Variants in OLFM2 observed in about 807,000 individuals in gnomAD.
OLFM2 encodes the protein olfactomedin 2, also known as noelin-2.
OLFM2 carries 20 observed loss-of-function variants against 43.9 expected under a neutral mutation model. The observed-to-expected ratio is 0.46, with a 90% confidence interval of 0.32 to 0.66. OLFM2 has a LOEUF of 0.66. Among genes scored for constraint, OLFM2 ranks in the 30% least tolerant of loss-of-function variants. OLFM2 has a pLI of 0.04. For missense variants in OLFM2, 416 were observed against 643.6 expected (o/e 0.65, Z 3.83); for synonymous variants, 268 against 278.6 (o/e 0.96, Z 0.38).
intron 1 of OLFM2, among the ~76,000 whole-genome samples, chr19:9,918,445 G>T (rs2086399574): frequency 6.6e-6 from 1 of 152,126 alleles, no homozygotes; most frequent in South Asian, 2.1e-4. Context: ...ACCTGCCTCA[G>T]CCTCCCAAAA....
chr19:9,864,544 G>A (rs938152389), intron 1 of OLFM2, among the ~76,000 whole-genome samples: 2 of 151,878 alleles, frequency 1.3e-5, no homozygotes, highest in African/African-American at 2.4e-5. Context: ...CAAGTGATCC[G>A]TCCACCTTGG....
intron 1 of OLFM2, among the ~76,000 whole-genome samples, chr19:9,923,992 C>T (rs144128206): frequency 0.022 from 3,305 of 149,170 alleles, 55 homozygotes; most frequent in Non-Finnish European, 0.037. Context: ...CCCAGCTACT[C>T]GGGAGGCTGA....
In OLFM2 at chr19:9,856,786, G is replaced by C. The variant is rs779718110; in HGVS notation, c.687+21C>G. On this transcript the variant is annotated intron_variant, in intron 5 of 5. Coordinates refer to ENST00000264833, the MANE Select transcript of OLFM2 (RefSeq NM_058164.4). This position sits in a 1 kb window ranked among gnomAD's most constrained non-coding sequence, Gnocchi z 4.0. ...CTGTCCCTCCCAGGCCCTGACCCCA[G>C]GGGTGGGCGCAGTCACTCACCCGGC... is the stretch of plus-strand genomic sequence containing the variant. 2 of 1,594,410 alleles carry C rather than the reference G, an allele frequency of 1.3e-6. No individual in the cohort carries two copies. Among genetic ancestry groups the C allele is most frequent in the Non-Finnish European group, 1.7e-6 (2 of 1,164,636 alleles).
At chr19:9,905,034 A>T (rs77251966) in intron 1 of OLFM2, among the ~76,000 whole-genome samples, 1 of 151,970 alleles carries the variant, frequency 6.6e-6, no homozygotes, top group African/African-American at 2.4e-5. Context: ...GAAAAAAAAA[A>T]GTTGAGGCCA....
chr19:9,887,699 G>C (rs563019807), intron 1 of OLFM2, among the ~76,000 whole-genome samples: 5 of 151,992 alleles, frequency 3.3e-5, no homozygotes, highest in African/African-American at 1.2e-4. Context: ...ATCACACTGA[G>C]TCTCTCCCGT....
intron 1 of OLFM2, among the ~76,000 whole-genome samples, chr19:9,898,079 T>TTC (rs1568379668): frequency 1.3e-5 from 2 of 149,484 alleles, no homozygotes; most frequent in Non-Finnish European, 3.0e-5. Context: ...TAATTTTTTT[T>TTC]TTTTTTTTTG....
chr19:9,865,998 G>A (rs867844583), intron 1 of OLFM2, among the ~76,000 whole-genome samples: 4 of 152,100 alleles, frequency 2.6e-5, no homozygotes, highest in Admixed American at 6.6e-5. Flanking sequence ...TAGCGTGTCC[G>A]TTGAAGCAAA....
At chr19:9,901,019 A>C (rs1226387076) in intron 1 of OLFM2, among the ~76,000 whole-genome samples, 1 of 24,816 alleles carries the variant, frequency 4.0e-5, no homozygotes, top group African/African-American at 1.9e-4. Flanking sequence ...GGGAAGGAGG[A>C]AGGGAGGGAA....
chr19:9,906,241 G>A (rs2046785048), intron 1 of OLFM2, among the ~76,000 whole-genome samples: 1 of 152,156 alleles, frequency 6.6e-6, no homozygotes, highest in Non-Finnish European at 1.5e-5. Context: ...CACTGTCTGA[G>A]CACCAGGCTC....
chr19:9,858,557 C>A (rs1367083303), intron 2 of OLFM2, among the ~76,000 whole-genome samples: 1 of 152,200 alleles, frequency 6.6e-6, no homozygotes, highest in Non-Finnish European at 1.5e-5. Flanking sequence ...AGCTTGTCCA[C>A]AGCTTAACCT....
chr19:9,924,965 C>T (rs920959774), intron 1 of OLFM2, among the ~76,000 whole-genome samples: 1 of 151,790 alleles, frequency 6.6e-6, no homozygotes, highest in South Asian at 2.1e-4. Context: ...CAGAAACACA[C>T]ATAAAACAAA....
Position 9,858,053 on chromosome 19 carries a change from C to T in OLFM2, c.214-192G>A, listed in dbSNP as rs553216922. 9.1e-4 allele frequency: 626 copies of T among 689,134 alleles called. 12 individuals carry two copies. The South Asian group carries it at 9.1e-3, about 10-fold the overall frequency. 42.7% of individuals were successfully genotyped at this position (689,134 alleles called of 1,614,324 possible). A position where few individuals can be genotyped will look rare whatever the true frequency, so the allele number is the denominator to read the frequency against. ...CCATCCATCCATCGCTCCCTCCCTA[C>T]TACCCACTGGCTCCCATCTGGTCCA... On this transcript the variant is annotated intron_variant, in intron 2 of 5. Transcript: ENST00000264833.
chr19:9,921,882 C>T (rs2086423955), intron 1 of OLFM2, among the ~76,000 whole-genome samples: 1 of 151,996 alleles, frequency 6.6e-6, no homozygotes, highest in Non-Finnish European at 1.5e-5. Flanking sequence ...TGGTTTGAAC[C>T]CAGGAATTTG....
chr19:9,870,781 C>T (rs996354188), intron 1 of OLFM2, among the ~76,000 whole-genome samples: 6 of 152,120 alleles, frequency 3.9e-5, no homozygotes, highest in Non-Finnish European at 5.9e-5. Context: ...TCAAGTCACC[C>T]GGGAGGTGGA....
At position 9,862,505 on chromosome 19, in the gene OLFM2, A is replaced by G. The variant is rs536918265; in HGVS notation, c.64-1711T>C. Among the ~76,000 whole-genome samples the G allele has an allele frequency of 4.0e-5, 6 of 151,244 alleles. No homozygotes were observed. The South Asian group carries it at 6.3e-4, about 16-fold the overall frequency. ...TGGGCAACATAACAAGACCTCATCT[A>G]TACTAAAAATTAAAAAAAAAAAAAA... On this transcript the variant is annotated intron_variant, in intron 1 of 5. Coordinates refer to ENST00000264833, the MANE Select transcript of OLFM2 (RefSeq NM_058164.4).
At chr19:9,881,684 T>TG (rs35230510) in intron 1 of OLFM2, among the ~76,000 whole-genome samples, 137,669 of 149,956 alleles carry the variant, frequency 0.92, 64,013 homozygotes, top group Non-Finnish European at 1. Flanking sequence ...TTTTTACAGT[T>TG]GGGGGGTCTT....
intron 1 of OLFM2, among the ~76,000 whole-genome samples, chr19:9,921,637 C>T (rs1050388030): frequency 4.6e-5 from 7 of 151,890 alleles, no homozygotes; most frequent in African/African-American, 4.8e-5. Flanking sequence ...TACAGGCGCC[C>T]GCCACCACAC....
At position 9,853,892 on chromosome 19, in the gene OLFM2, A is replaced by T; in HGVS notation, c.*294T>A. ...TGGAAGGACAGAGAGAGAGAGACAG[A>T]GAGAGGCAGAGACGGAAAGAACTGG... is the stretch of plus-strand genomic sequence containing the variant. On this transcript the variant is annotated 3_prime_UTR_variant, in exon 6 of 6. Transcript: ENST00000264833. The T allele has an allele frequency of 1.8e-6, 1 of 562,860 alleles. No individual in the cohort carries two copies. The highest frequency in any genetic ancestry group is 3.1e-6 in the Non-Finnish European group (1 of 320,830). The allele number at this position is 562,860 out of a possible 1,614,324, so 34.9% of individuals were successfully genotyped here.
chr19:9,859,568 C>G (rs2046351038), intron 2 of OLFM2, among the ~76,000 whole-genome samples: 1 of 152,212 alleles, frequency 6.6e-6, no homozygotes. Context: ...GCTGGGATTA[C>G]AGGCGTGAGC....
Sources: gnomAD v4.1 joint callset for allele counts (sites outside exome capture counted in the v4.1 genomes callset) on GRCh38, gnomAD v4.1.1 for gene constraint, Gnocchi (gnomAD v3.1) non-coding constraint, MANE v1.5 for transcripts, NCBI Gene and HGNC (gene_info 2026-07-23, HGNC 2026-07-21) for gene names.